The following NOMO1 variants were observed in gnomAD, a reference collection of about 807,000 sequenced individuals.
NOMO1 encodes the protein nodal modulator 3.
Under a neutral mutation model 133.8 loss-of-function variants are expected in NOMO1, and 40 were observed. The ratio of observed to expected loss-of-function variants is 0.30; its 90% CI spans 0.23 to 0.39. The LOEUF (loss-of-function observed/expected upper bound fraction) is 0.39. Among genes scored for constraint, NOMO1 ranks in the 10% least tolerant of loss-of-function variants. The pLI is 1.00. For synonymous variants in NOMO1, 236 were observed against 570.5 expected (o/e 0.41, Z 8.36); for missense variants, 462 against 1,419.9 (o/e 0.33, Z 10.84).
In NOMO1 at chr16:14,869,959, G is replaced by T. The variant is rs1378541170; in HGVS notation, c.1894+1324G>T. Among the ~76,000 whole-genome samples, 112 of 151,470 alleles carry T rather than the reference G, an allele frequency of 7.4e-4. 1 individual carries two copies. The highest frequency in any genetic ancestry group is 2.7e-3 in the African/African-American group (110 of 41,082). ...TGGTAGATGTGAAGTCGTGTCTCAT[G>T]GTGGTTTTGTTTTGCATTTTCCTAA... On this transcript the variant is annotated intron_variant, in intron 16 of 30. Coordinates refer to ENST00000287667, the MANE Select transcript of NOMO1 (RefSeq NM_014287.4).
chr16:14,851,426 A>T (rs1233255301), intron 6 of NOMO1, among the ~76,000 whole-genome samples: 1 of 150,300 alleles, frequency 6.7e-6, no homozygotes, highest in African/African-American at 2.5e-5. Flanking sequence ...GTTTAAAAAT[A>T]TACACATATT....
rs1963828349 is a variant in NOMO1 at position 14,855,996 on chromosome 16, A to G, written c.964-1221A>G. Among the ~76,000 whole-genome samples, 3 of 152,192 alleles carry G rather than the reference A, an allele frequency of 2.0e-5. No homozygotes were observed. The South Asian group carries it at 6.2e-4, about 32-fold the overall frequency. ...TTGCTGAAAAAAAAATAAAAAAATA[A>G]AAAAGAAGGGCTCCCTGCATAAAAA... On this transcript the variant is annotated intron_variant, in intron 9 of 30. Transcript: ENST00000287667.
At chr16:14,862,229 C>A (rs1349361385) in intron 11 of NOMO1, among the ~76,000 whole-genome samples, 1 of 151,736 alleles carries the variant, frequency 6.6e-6, no homozygotes, top group Non-Finnish European at 1.5e-5. Context: ...CAACTGTGAC[C>A]CCCAGCTAGG....
At chr16:14,840,611 CAAAG>C (rs918446066) in intron 2 of NOMO1, among the ~76,000 whole-genome samples, 1 of 149,192 alleles carries the variant, frequency 6.7e-6, no homozygotes, top group Admixed American at 6.7e-5. Context: ...AAAACAAAAA[CAAAG>C]AAACCAGGGT....
chr16:14,851,789 T>C (rs1357706565), intron 6 of NOMO1, among the ~76,000 whole-genome samples: 2 of 61,062 alleles, frequency 3.3e-5, no homozygotes, highest in African/African-American at 7.6e-5. Context: ...TTTAGGCTAA[T>C]CTTCAGTTAA....
intron 3 of NOMO1, among the ~76,000 whole-genome samples, chr16:14,842,582 A>G (rs922484492): frequency 1.3e-5 from 2 of 151,740 alleles, no homozygotes; most frequent in African/African-American, 4.8e-5. Flanking sequence ...AGTGCCTTGG[A>G]TGAATTTTCA....
At chr16:14,855,750 G>A (rs1331944158) in intron 9 of NOMO1, among the ~76,000 whole-genome samples, 4 of 152,020 alleles carry the variant, frequency 2.6e-5, no homozygotes, top group Non-Finnish European at 5.9e-5. Context: ...GAATTTCAGG[G>A]AATGGGGCCC....
rs1314226473 is a variant in NOMO1 at position 14,886,772 on chromosome 16, C to T, written c.3234C>T (p.Tyr1078=). ...EYLPTLWVKL[Y]KSENLDNPIQ... Reference sequence around the variant, plus strand: ...GTTTCTCCCTCCAGGTCAAGCTTTACAAAAGCGAAAACCTCGACAATCCAA... The same window carrying T: ...GTTTCTCCCTCCAGGTCAAGCTTTATAAAAGCGAAAACCTCGACAATCCAA... The change falls in exon 28 of 31, where the codon TAC becomes TAT. Residue 1078 remains tyrosine, a synonymous_variant. Coordinates refer to ENST00000287667, the MANE Select transcript of NOMO1 (RefSeq NM_014287.4). The T allele has an allele frequency of 6.2e-7, 1 of 1,611,354 alleles. No homozygotes were observed. The highest frequency in any genetic ancestry group is 1.3e-5 in the African/African-American group (1 of 74,648).
intron 5 of NOMO1, among the ~76,000 whole-genome samples, chr16:14,847,853 T>G (rs1479198419): frequency 1.3e-5 from 2 of 151,966 alleles, no homozygotes; most frequent in African/African-American, 4.8e-5. Context: ...TAACATTTAC[T>G]TCTGCTTGAC....
At chr16:14,846,817 C>T in intron 5 of NOMO1, 134 bp downstream of exon 5, 6 of 1,532,194 alleles carry the variant, frequency 3.9e-6, no homozygotes, top group Non-Finnish European at 5.4e-6. Flanking sequence ...TGAGTTCATG[C>T]CCGTCAGAGT....
At position 14,876,358 on chromosome 16, in the gene NOMO1, G is replaced by A; in HGVS notation, c.2357-1G>A. Reference sequence around the variant, plus strand: ...CTTGTGTTTATTTCTTCCCCTCTTAGAAAGCTGCCCAGGGAAGCTGATCGA... The same window carrying A: ...CTTGTGTTTATTTCTTCCCCTCTTAAAAAGCTGCCCAGGGAAGCTGATCGA... On this transcript the variant is annotated splice_acceptor_variant, in intron 20 of 30. Coordinates refer to ENST00000287667, the MANE Select transcript of NOMO1 (RefSeq NM_014287.4). LOFTEE classifies it high-confidence loss of function. 1 of 1,610,962 alleles carries A rather than the reference G, an allele frequency of 6.2e-7. No individual in the cohort carries two copies. Among genetic ancestry groups the A allele is most frequent in the Non-Finnish European group, 8.5e-7 (1 of 1,179,666 alleles).
intron 12 of NOMO1, among the ~76,000 whole-genome samples, chr16:14,864,285 A>G (rs1963958444): frequency 6.6e-6 from 1 of 151,540 alleles, no homozygotes; most frequent in African/African-American, 2.4e-5. Flanking sequence ...GGGATGTAGT[A>G]TGGTTTCTAG....
In NOMO1 at chr16:14,857,527, A is replaced by C. The variant is rs1192184923; in HGVS notation, c.1092A>C (p.Ser364=). The change falls in exon 11 of 31, where the codon TCA becomes TCC. Residue 364 remains serine, a synonymous_variant. Transcript: ENST00000287667. Reference sequence around the variant, plus strand: ...CAGTTAAAACAAAAGCTGATGGCTCATTCCGCCTTGAGAACATAACCACAG... The same window carrying C: ...CAGTTAAAACAAAAGCTGATGGCTCCTTCCGCCTTGAGAACATAACCACAG... ...QIKVKTKADG[S]FRLENITTGT... The C allele has an allele frequency of 1.2e-6, 2 of 1,610,202 alleles. No individual in the cohort carries two copies. Among genetic ancestry groups the C allele is most frequent in the Admixed American group, 1.7e-5 (1 of 59,684 alleles).
In NOMO1 at chr16:14,882,802, C is replaced by G. The variant is rs540266780; in HGVS notation, c.3111+125C>G. 137 of 1,524,874 alleles carry G rather than the reference C, an allele frequency of 9.0e-5. 1 individual carries two copies. In the African/African-American group the frequency reaches 1.8e-3, roughly 20 times the overall value. 94.5% of individuals were successfully genotyped at this position (1,524,874 alleles called of 1,614,324 possible). A position where few individuals can be genotyped will look rare whatever the true frequency, so the allele number is the denominator to read the frequency against. ...GGGAACTTTCATCCTAATTAAGGGT[C>G]CTCTTAGAATAGTGTCATCTTCACA... On this transcript the variant is annotated intron_variant, in intron 26 of 30. Transcript: ENST00000287667.
intron 3 of NOMO1, among the ~76,000 whole-genome samples, chr16:14,841,713 G>A (rs1963606293): frequency 6.6e-6 from 1 of 151,578 alleles, no homozygotes; most frequent in Non-Finnish European, 1.5e-5. Flanking sequence ...CAAGAGTGGG[G>A]ACTTGGTTCC....
chr16:14,860,361 C>A (rs1418502090), intron 11 of NOMO1, among the ~76,000 whole-genome samples: 47 of 149,726 alleles, frequency 3.1e-4, no homozygotes, highest in Non-Finnish European at 3.0e-5. Flanking sequence ...GGGTGAGATT[C>A]CGTCTCAAAA....
chr16:14,881,717 T>G (rs759403849), intron 25 of NOMO1, 32 bp downstream of exon 25: 2 of 1,610,386 alleles, frequency 1.2e-6, no homozygotes, highest in Non-Finnish European at 1.7e-6. Flanking sequence ...CTTTGGGGAC[T>G]TTTTTTTCAT....
At chr16:14,856,513 G>A (rs1394991773) in intron 9 of NOMO1, among the ~76,000 whole-genome samples, 2 of 151,766 alleles carry the variant, frequency 1.3e-5, no homozygotes, top group African/African-American at 4.9e-5. Context: ...CCGAGTTGAA[G>A]CGATTCTCCT....
chr16:14,883,359 C>T (rs111892312), intron 26 of NOMO1, among the ~76,000 whole-genome samples: 77 of 146,330 alleles, frequency 5.3e-4, no homozygotes, highest in African/African-American at 1.5e-3. Context: ...TTTTTTGAGA[C>T]GGAGTCTCAC....
Sources: allele counts gnomAD v4.1 joint callset (sites outside exome capture counted in the v4.1 genomes callset), GRCh38; gene constraint gnomAD v4.1.1; transcripts MANE v1.5; gene names NCBI Gene and HGNC (gene_info 2026-07-23, HGNC 2026-07-21).